The following NPHP3 variants were observed in gnomAD, a reference collection of about 807,000 sequenced individuals.
NPHP3 encodes nephrocystin 3.
A neutral mutation model predicts 171.9 loss-of-function variants in NPHP3; 123 were observed. That is an observed-to-expected ratio of 0.72 (90% CI 0.62 to 0.83). NPHP3 has a LOEUF of 0.83. Ranked by LOEUF, NPHP3 falls within the 40% of genes least tolerant of loss-of-function variation. The pLI is 0.00. For missense variants in NPHP3, 1,506 were observed against 1,591.9 expected, an observed-to-expected ratio of 0.95 and a Z score of 0.92; for synonymous variants, 558 against 579.2, an observed-to-expected ratio of 0.96 and a Z score of 0.52.
intron 5 of NPHP3, 53 bp from the exon 6 acceptor site, chr3:132,713,339 G>T: frequency 7.9e-7 from 1 of 1,264,048 alleles, no homozygotes; most frequent in Non-Finnish European, 1.1e-6. Context: ...TAAAGATCAA[G>T]TGAGATTCAT....
intron 19 of NPHP3, among the ~76,000 whole-genome samples, chr3:132,690,084 ATTCT>A (rs1939261005): frequency 6.6e-6 from 1 of 152,212 alleles, no homozygotes; most frequent in South Asian, 2.1e-4. Flanking sequence ...AATTAGGGTA[ATTCT>A]TTCTTTAAAT....
intron 26 of NPHP3, chr3:132,682,433 A>G (rs1939055090): frequency 3.6e-6 from 2 of 556,624 alleles, no homozygotes; most frequent in South Asian, 4.2e-5. Flanking sequence ...GGGGACAGCA[A>G]ATTACCCATA....
intron 24 of NPHP3, among the ~76,000 whole-genome samples, chr3:132,684,277 T>C (rs1331346401): frequency 6.6e-6 from 1 of 152,222 alleles, no homozygotes; most frequent in South Asian, 2.1e-4. Flanking sequence ...ATTAGAATGC[T>C]AATAAATGCA....
At chr3:132,706,830 G>C (rs2107989168) in intron 7 of NPHP3, among the ~76,000 whole-genome samples, 1 of 152,182 alleles carries the variant, frequency 6.6e-6, no homozygotes, top group South Asian at 2.1e-4. Context: ...CTTTTTTGTG[G>C]GACGTAGTGG....
chr3:132,701,495 G>A lies in NPHP3; in HGVS notation c.1563C>T (p.Ala521=). Residue 521 remains alanine, a synonymous_variant, in exon 10 of 27, where the codon GCC becomes GCT. Coordinates refer to ENST00000337331, the MANE Select transcript of NPHP3 (RefSeq NM_153240.5). ...CAGACACGAGAAGAGGTGGAATCGG[G>A]GCTGGTGCTGCCACTAGATCATTAA... is the stretch of plus-strand genomic sequence containing the variant. ...QRLNDLVAAP[A]PIPPLLVSGG... 1 of 1,613,682 alleles carries A rather than the reference G, an allele frequency of 6.2e-7. No individual in the cohort carries two copies.
chr3:132,689,120 T>A lies in NPHP3; in HGVS notation c.2837A>T (p.Tyr946Phe). The A allele has an allele frequency of 6.2e-7, 1 of 1,614,158 alleles. No individual in the cohort carries two copies. The highest frequency in any genetic ancestry group is 2.2e-5 in the East Asian group (1 of 44,866). Reference protein sequence around the residue: ...EDNMSCLADLYETLGRFLKDL... With the variant: ...EDNMSCLADLFETLGRFLKDL... ...CTTGAGAAATCGCCCCAAGGTTTCA[T>A]AAAGATCAGCTAAGCAACTCATGTT... Residue 946 changes from tyrosine (Y) to phenylalanine (F), a missense_variant, in exon 20 of 27, where the codon TAT becomes TTT. This residue lies in a region of NPHP3 where 569 missense variants were observed against 648.1 expected (regional missense o/e 0.88). Transcript: ENST00000337331.
At chr3:132,691,151 T>C in intron 18 of NPHP3, 41 bp downstream of exon 18, 1 of 1,373,866 alleles carries the variant, frequency 7.3e-7, no homozygotes, top group Non-Finnish European at 1.0e-6. Context: ...AGGTAGTGTG[T>C]TGCAGAAGTT....
chr3:132,705,881 T>C, intron 7 of NPHP3, 67 bp from the exon 8 acceptor site: 6 of 817,218 alleles, frequency 7.3e-6, no homozygotes, highest in Non-Finnish European at 1.3e-5. Context: ...TGGTAAATAC[T>C]TTTATACTGC....
At position 132,688,864 on chromosome 3, in the gene NPHP3, C is replaced by G. The variant is rs1461540620; in HGVS notation, c.2911G>C (p.Glu971Gln). The change falls in exon 21 of 27, where the codon GAG becomes CAG. Residue 971 changes from glutamate to glutamine, a missense_variant. This residue lies in a region of NPHP3 where 569 missense variants were observed against 648.1 expected (regional missense o/e 0.88). Transcript: ENST00000337331. ...GGATCTAAAGCTGTTTCTCGAATCT[C>G]TAAAGACCTCTGCAAAGGTACTATG... ...QAIVPLQRSL[E>Q]IRETALDPDH... is the part of the protein sequence containing the mutation. The G allele has an allele frequency of 6.2e-7, 1 of 1,614,068 alleles. No homozygotes were observed. Among genetic ancestry groups the G allele is most frequent in the Non-Finnish European group, 8.5e-7 (1 of 1,179,988 alleles).
At chr3:132,710,040 C>T (rs563327405) in intron 6 of NPHP3, among the ~76,000 whole-genome samples, 1 of 152,232 alleles carries the variant, frequency 6.6e-6, no homozygotes, top group Non-Finnish European at 1.5e-5. Context: ...GTATTTTATT[C>T]AAATAATCTG....
intron 10 of NPHP3, among the ~76,000 whole-genome samples, chr3:132,700,705 G>A (rs969126694): frequency 6.6e-6 from 1 of 151,570 alleles, no homozygotes; most frequent in East Asian, 1.9e-4. Context: ...TACATATGAG[G>A]GTAAGGTATT....
chr3:132,715,037 T>C (rs1289557305), intron 5 of NPHP3, 48 bp downstream of exon 5: 4 of 1,444,730 alleles, frequency 2.8e-6, no homozygotes, highest in Non-Finnish European at 3.9e-6. Context: ...AATATAATAT[T>C]AACTTATATT....
chr3:132,699,227 C>A, intron 13 of NPHP3, 126 bp downstream of exon 13: 1 of 683,346 alleles, frequency 1.5e-6, no homozygotes, highest in Non-Finnish European at 2.6e-6. Flanking sequence ...AATTCACCCA[C>A]TTCTCCCCAT....
At chr3:132,701,762 C>A (rs1217880019) in intron 9 of NPHP3, among the ~76,000 whole-genome samples, 1 of 152,204 alleles carries the variant, frequency 6.6e-6, no homozygotes, top group Non-Finnish European at 1.5e-5. Flanking sequence ...GTGGCTCACG[C>A]CTGTAATCCC....
At position 132,721,729 on chromosome 3, in the gene NPHP3, A is replaced by C. The variant is rs1360117896; in HGVS notation, c.393+234T>G. The C allele has an allele frequency of 7.2e-6, 5 of 696,726 alleles. No homozygotes were observed. In the African/African-American group the frequency reaches 8.8e-5, roughly 12 times the overall value. The allele number at this position is 696,726 out of a possible 1,614,324, so 43.2% of individuals were successfully genotyped here. ...AGGCGGGAGGATCATTGAGCCCAGG[A>C]GTTCCAGGTTGCAGTGAGCCGCGAT... On this transcript the variant is annotated intron_variant, in intron 1 of 26. Coordinates refer to ENST00000337331, the MANE Select transcript of NPHP3 (RefSeq NM_153240.5).
At chr3:132,719,193 G>GT in intron 2 of NPHP3, 49 bp from the exon 3 acceptor site, 1 of 1,440,140 alleles carries the variant, frequency 6.9e-7, no homozygotes, top group Non-Finnish European at 9.6e-7. Context: ...TAATCAAAAA[G>GT]TTGTGTCATC....
chr3:132,686,058 A>G, intron 23 of NPHP3: 1 of 527,910 alleles, frequency 1.9e-6, no homozygotes. Context: ...CAAAAAAAAA[A>G]AAAAGAGTGT....
At chr3:132,716,721 C>T (rs755568588) in intron 4 of NPHP3, 36 bp downstream of exon 4, 6 of 1,605,044 alleles carry the variant, frequency 3.7e-6, no homozygotes, top group Admixed American at 3.3e-5. Flanking sequence ...ACAGTCACTA[C>T]CACTAGGCAA....
chr3:132,713,180 C>T lies in NPHP3; in HGVS notation c.1064G>A (p.Trp355Ter). Reference protein sequence around the residue: ...VENQYLTVRKWEIEKSSLVIL... With the variant: ...VENQYLTVRK ...AACTAAAGAACTTTTCTCAATTTCC[C>T]ATTTTCTTACAGTGAGGTATTGATT... Residue 355 changes from tryptophan to a stop codon, truncating the protein, a stop_gained, in exon 6 of 27, where the codon TGG (tryptophan) becomes TAG (stop). Transcript: ENST00000337331. LOFTEE classifies it high-confidence loss of function. The T allele has an allele frequency of 6.5e-7, 1 of 1,534,546 alleles. No homozygotes were observed. Among genetic ancestry groups the T allele is most frequent in the Non-Finnish European group, 8.9e-7 (1 of 1,120,258 alleles).
Sources: gnomAD v4.1 joint callset for allele counts (sites outside exome capture counted in the v4.1 genomes callset) on GRCh38, gnomAD v4.1.1 for gene constraint, gnomAD v4.1.1 regional missense constraint, MANE v1.5 for transcripts, NCBI Gene and HGNC (gene_info 2026-07-23, HGNC 2026-07-21) for gene names.